The following PCDHGA2 variants were observed in gnomAD, a reference collection of about 807,000 sequenced individuals.
PCDHGA2 encodes protocadherin gamma-A2.
Under a neutral mutation model 59.2 loss-of-function variants are expected in PCDHGA2, and 40 were observed. The observed-to-expected ratio is 0.68, with a 90% CI of 0.52 to 0.88. The LOEUF is 0.88. PCDHGA2 is among the 40% of genes least tolerant of loss of function. The pLI, the probability that PCDHGA2 is intolerant of heterozygous loss-of-function variation, is 0.00. For synonymous variants in PCDHGA2, 560 were observed against 526.0 expected (o/e 1.06, Z -0.89); for missense variants, 1,226 against 1,204.0 (o/e 1.02, Z -0.27).
At chr5:141,383,625 C>T (rs754758092) in intron 1 of PCDHGA2, 32 of 1,613,930 alleles carry the variant, frequency 2.0e-5, no homozygotes, top group Non-Finnish European at 2.7e-5. Context: ...CGCCTGTCTT[C>T]TCTCTGCCTC....
Position 141,432,923 on chromosome 5 carries a change from T to C in PCDHGA2, c.2425-61884T>C. ...GCTCAGGCTGCGGCGCTGGCACAAG[T>C]CACGCCTGCTGCAGGCTTCAGGAGG... On this transcript the variant is annotated intron_variant, in intron 1 of 3. Coordinates refer to ENST00000394576, the MANE Select transcript of PCDHGA2 (RefSeq NM_018915.4). This position sits in a 1 kb window ranked among gnomAD's most constrained non-coding sequence, Gnocchi z 6.0. The C allele has an allele frequency of 6.2e-7, 1 of 1,614,186 alleles. No homozygotes were observed. Among genetic ancestry groups the C allele is most frequent in the Non-Finnish European group, 8.5e-7 (1 of 1,180,034 alleles).
At chr5:141,343,355 G>C in intron 1 of PCDHGA2, 1 of 981,456 alleles carries the variant, frequency 1.0e-6, no homozygotes, top group African/African-American at 1.7e-5. Flanking sequence ...CTCTTAGAGA[G>C]TTAAGAGTAT....
At chr5:141,504,502 G>A (rs2099838821) in intron 2 of PCDHGA2, among the ~76,000 whole-genome samples, 1 of 152,128 alleles carries the variant, frequency 6.6e-6, no homozygotes, top group Non-Finnish European at 1.5e-5. Context: ...CCCAGTCTGA[G>A]TGGATCTCCT....
Position 141,512,040 on chromosome 5 carries a change from A to G in PCDHGA2, c.*867A>G, listed in dbSNP as rs775766584. 1.3e-5 allele frequency: 2 copies of G among 152,838 alleles called. No homozygotes were observed. The highest frequency in any genetic ancestry group is 2.9e-5 in the Non-Finnish European group (2 of 68,198). 9.5% of individuals were successfully genotyped at this position (152,838 alleles called of 1,614,324 possible). A position where few individuals can be genotyped will look rare whatever the true frequency, so the allele number is the denominator to read the frequency against. ...ATCAAGGCCTTGGAGGAGGCTCTGT[A>G]TGTCCTCAGGGGACTGACAACATCC... On this transcript the variant is annotated 3_prime_UTR_variant, in exon 4 of 4. Coordinates refer to ENST00000394576, the MANE Select transcript of PCDHGA2 (RefSeq NM_018915.4).
chr5:141,420,308 T>C (rs1486910909), intron 1 of PCDHGA2: 3 of 1,457,838 alleles, frequency 2.1e-6, no homozygotes, highest in Non-Finnish European at 9.2e-7. Context: ...ATCCTTTTTA[T>C]ATTACAATAT....
chr5:141,404,075 G>C (rs2154534954), intron 1 of PCDHGA2: 2 of 1,613,660 alleles, frequency 1.2e-6, no homozygotes, highest in East Asian at 2.2e-5. Flanking sequence ...TCATGACCGA[G>C]ACTCCGGGAA....
rs374134053 is a variant in PCDHGA2, at chr5:141,389,297, A to T, written c.2424+47902A>T. ...ACCCGCCTGGAGCCTCTATTTCACA[A>T]GTCAGGGCTTCTGATCCGGACTTGG... On this transcript the variant is annotated intron_variant, in intron 1 of 3. Coordinates refer to ENST00000394576, the MANE Select transcript of PCDHGA2 (RefSeq NM_018915.4). 6.2e-6 allele frequency: 10 copies of T among 1,613,860 alleles called. No individual in the cohort carries two copies. In the African/African-American group the frequency reaches 1.3e-4, roughly 22 times the overall value.
At chr5:141,421,296 G>C in intron 1 of PCDHGA2, 1 of 1,613,444 alleles carries the variant, frequency 6.2e-7, no homozygotes, top group Non-Finnish European at 8.5e-7. Context: ...TCCTGGGGAC[G>C]CTGCGGGGGT....
At position 141,477,572 on chromosome 5, in the gene PCDHGA2, G is replaced by A. The variant is rs375416133; in HGVS notation, c.2425-17235G>A. The A allele has an allele frequency of 6.2e-7, 1 of 1,614,112 alleles. No homozygotes were observed. The highest frequency in any genetic ancestry group is 8.5e-7 in the Non-Finnish European group (1 of 1,180,030). On this transcript the variant is annotated intron_variant, in intron 1 of 3. Coordinates refer to ENST00000394576, the MANE Select transcript of PCDHGA2 (RefSeq NM_018915.4). This position sits in a 1 kb window ranked among gnomAD's most constrained non-coding sequence, Gnocchi z 4.9. ...AAACCTAAGTGTCTGGGACCCCGAC[G>A]CCCCGCAGAATGCTCGGCTTTCTTT...
chr5:141,399,043 G>T lies in PCDHGA2; in HGVS notation c.2424+57648G>T, dbSNP rs545668357. The T allele has an allele frequency of 3.0e-5, 48 of 1,613,890 alleles. No homozygotes were observed. The South Asian group carries it at 4.9e-4, about 17-fold the overall frequency. ...TACCACTCAAAAGAAACTGGATTTTGAAGAGACCAAGGAATATTCAATGGT... is the reference window on the plus strand; with the variant it reads ...TACCACTCAAAAGAAACTGGATTTTTAAGAGACCAAGGAATATTCAATGGT... On this transcript the variant is annotated intron_variant, in intron 1 of 3. Transcript: ENST00000394576.
chr5:141,403,254 G>A (rs2094383546), intron 1 of PCDHGA2: 3 of 1,613,830 alleles, frequency 1.9e-6, no homozygotes, highest in Non-Finnish European at 2.5e-6. Flanking sequence ...CAGAGCCCGC[G>A]GTGTCTGGTG....
chr5:141,431,071 A>G lies in PCDHGA2; in HGVS notation c.2425-63736A>G. The G allele has an allele frequency of 6.2e-7, 1 of 1,614,244 alleles. No homozygotes were observed. On this transcript the variant is annotated intron_variant, in intron 1 of 3. Coordinates refer to ENST00000394576, the MANE Select transcript of PCDHGA2 (RefSeq NM_018915.4). The surrounding 1 kb of genome is among the most constrained non-coding windows in gnomAD (Gnocchi z 4.8). ...GTATGGGGGCCATCAAGTGTCAATTAAATCTAGACATTCTGATGGAGGATA... is the reference window on the plus strand; with the variant it reads ...GTATGGGGGCCATCAAGTGTCAATTGAATCTAGACATTCTGATGGAGGATA...
chr5:141,508,979 G>A (rs1317798009), intron 3 of PCDHGA2, among the ~76,000 whole-genome samples: 1 of 152,110 alleles, frequency 6.6e-6, no homozygotes, highest in Non-Finnish European at 1.5e-5. Context: ...GCTGGGGGTG[G>A]GGGCCAGCTG....
chr5:141,492,471 C>T (rs937691695), intron 1 of PCDHGA2, among the ~76,000 whole-genome samples: 8 of 152,240 alleles, frequency 5.3e-5, no homozygotes, highest in Non-Finnish European at 1.0e-4. Flanking sequence ...GGTCCCAGAT[C>T]GCGGCCGCCC....
chr5:141,375,829 A>G, intron 1 of PCDHGA2: 1 of 1,614,140 alleles, frequency 6.2e-7, no homozygotes, highest in African/African-American at 1.3e-5. Context: ...CCCGCTCCGC[A>G]GAGCCCGGCT....
intron 2 of PCDHGA2, 88 bp from the exon 3 acceptor site, chr5:141,505,305 C>G (rs1363643214): frequency 1.0e-5 from 16 of 1,595,104 alleles, no homozygotes; most frequent in African/African-American, 2.7e-5. Flanking sequence ...GGTTAGGGTA[C>G]TAGGTTTGGG....
intron 1 of PCDHGA2, among the ~76,000 whole-genome samples, chr5:141,381,491 A>G (rs773337977): frequency 1.7e-4 from 26 of 152,224 alleles, no homozygotes; most frequent in Non-Finnish European, 7.3e-5. Flanking sequence ...TGTTTTCTCA[A>G]TTACACTAGA....
chr5:141,344,704 G>A (rs756165760), intron 1 of PCDHGA2: 23 of 1,613,810 alleles, frequency 1.4e-5, no homozygotes, highest in Non-Finnish European at 1.9e-5. Flanking sequence ...GTCCACTCTG[G>A]CAACTTGCAC....
At chr5:141,374,056 T>A in intron 1 of PCDHGA2, 1 of 1,485,728 alleles carries the variant, frequency 6.7e-7, no homozygotes, top group Non-Finnish European at 8.9e-7. Context: ...CTCTTCTTAA[T>A]CCCAGAGAAG....
Sources: gnomAD v4.1 joint callset for allele counts (sites outside exome capture counted in the v4.1 genomes callset) on GRCh38, gnomAD v4.1.1 for gene constraint, Gnocchi (gnomAD v3.1) non-coding constraint, MANE v1.5 for transcripts, NCBI Gene and HGNC (gene_info 2026-07-23, HGNC 2026-07-21) for gene names.